LRRC4C: variants seen among roughly 807,000 people sequenced by gnomAD.
LRRC4C encodes leucine rich repeat containing 4C, also known as leucine-rich repeat-containing protein 4C.
A neutral mutation model predicts 33.6 loss-of-function variants in LRRC4C; 5 were observed. The ratio of observed to expected loss-of-function variants is 0.15; its 90% CI spans 0.08 to 0.31. The LOEUF (loss-of-function observed/expected upper bound fraction) is 0.31. LRRC4C is among the 10% of genes least tolerant of loss of function. The probability of loss-of-function intolerance (pLI) is 1.00; values close to 1 mark genes in which losing one functional copy is unlikely to be tolerated. For synonymous variants in LRRC4C, 329 were observed against 302.0 expected (o/e 1.09, Z -0.93); for missense variants, 560 against 796.7 (o/e 0.70, Z 3.58).
At chr11:40,264,789 G>C (rs891851275) in intron 4 of LRRC4C, among the ~76,000 whole-genome samples, 1 of 152,086 alleles carries the variant, frequency 6.6e-6, no homozygotes, top group African/African-American at 2.4e-5. Context: ...GAAGAATGGG[G>C]GCCCCTCCCA....
At chr11:40,245,252 C>A (rs1299894164) in intron 4 of LRRC4C, among the ~76,000 whole-genome samples, 3 of 152,276 alleles carry the variant, frequency 2.0e-5, no homozygotes, top group African/African-American at 4.8e-5. Context: ...AAGAATGTAA[C>A]TCTGTACATT....
intron 1 of LRRC4C, among the ~76,000 whole-genome samples, chr11:40,994,176 T>C (rs2137289014): frequency 6.6e-6 from 1 of 152,276 alleles, no homozygotes; most frequent in East Asian, 1.9e-4. Flanking sequence ...TATGAAATCT[T>C]ACCAATATCC....
intron 2 of LRRC4C, among the ~76,000 whole-genome samples, chr11:40,912,206 A>T (rs1213027992): frequency 6.6e-6 from 1 of 152,124 alleles, no homozygotes; most frequent in Non-Finnish European, 1.5e-5. Flanking sequence ...TGCCACAAAG[A>T]TACTCCTTGA....
At chr11:41,223,076 A>T (rs1947377664) in intron 1 of LRRC4C, 1 of 152,168 alleles carries the variant, frequency 6.6e-6, no homozygotes, top group Non-Finnish European at 1.5e-5. Flanking sequence ...GTGAACATTA[A>T]AAAACGCTAG....
At chr11:41,090,350 T>C (rs1410457105) in intron 1 of LRRC4C, among the ~76,000 whole-genome samples, 2 of 152,166 alleles carry the variant, frequency 1.3e-5, no homozygotes, top group Non-Finnish European at 2.9e-5. Context: ...GAATTATGTG[T>C]TCTAGTTTGT....
At chr11:41,103,214 T>G (rs1012319779) in intron 1 of LRRC4C, among the ~76,000 whole-genome samples, 5 of 151,952 alleles carry the variant, frequency 3.3e-5, no homozygotes, top group Non-Finnish European at 5.9e-5. Flanking sequence ...TTTCCTAATA[T>G]TGGTAATGAT....
chr11:40,408,257 A>G (rs2137609896), intron 3 of LRRC4C, among the ~76,000 whole-genome samples: 1 of 152,134 alleles, frequency 6.6e-6, no homozygotes, highest in Non-Finnish European at 1.5e-5. Flanking sequence ...TTTAATTAAC[A>G]TATAACAAAA....
At chr11:40,515,775 A>G (rs1225787250) in intron 3 of LRRC4C, among the ~76,000 whole-genome samples, 1 of 152,112 alleles carries the variant, frequency 6.6e-6, no homozygotes, top group Non-Finnish European at 1.5e-5. Context: ...TAAATATTTT[A>G]GCCATGTTTG....
chr11:41,269,916 A>C (rs1422183104), intron 1 of LRRC4C, among the ~76,000 whole-genome samples: 1 of 152,130 alleles, frequency 6.6e-6, no homozygotes, highest in East Asian at 1.9e-4. Context: ...GCTTTGATTC[A>C]AAAAGAACTG....
chr11:40,904,710 T>C (rs1211633781), intron 2 of LRRC4C, among the ~76,000 whole-genome samples: 1 of 152,104 alleles, frequency 6.6e-6, no homozygotes, highest in Non-Finnish European at 1.5e-5. Flanking sequence ...ATTCTCCTTT[T>C]CCTAAGGTCT....
At chr11:40,786,849 C>T (rs1950431981) in intron 2 of LRRC4C, among the ~76,000 whole-genome samples, 1 of 151,998 alleles carries the variant, frequency 6.6e-6, no homozygotes, top group African/African-American at 2.4e-5. Flanking sequence ...TCATTAACAT[C>T]TCCCCCACCC....
intron 6 of LRRC4C, among the ~76,000 whole-genome samples, chr11:40,129,880 G>A (rs887861412): frequency 1.4e-4 from 22 of 152,064 alleles, no homozygotes; most frequent in African/African-American, 4.8e-4. Flanking sequence ...TAAAAAATCC[G>A]ACCCAGGGAT....
intron 1 of LRRC4C, among the ~76,000 whole-genome samples, chr11:40,984,837 A>G (rs910904906): frequency 2.0e-5 from 3 of 149,844 alleles, no homozygotes; most frequent in Non-Finnish European, 4.4e-5. Context: ...GTATAAAAAA[A>G]ACTTCTGACT....
At chr11:41,205,748 G>C (rs988331211) in intron 1 of LRRC4C, among the ~76,000 whole-genome samples, 3 of 151,912 alleles carry the variant, frequency 2.0e-5, no homozygotes, top group Non-Finnish European at 2.9e-5. Context: ...GTACTCCAAG[G>C]GTTTCCAGTA....
intron 1 of LRRC4C, among the ~76,000 whole-genome samples, chr11:41,276,562 G>A (rs1047124157): frequency 6.6e-6 from 1 of 152,072 alleles, no homozygotes; most frequent in Non-Finnish European, 1.5e-5. Flanking sequence ...GATAGCTTTT[G>A]AAATCATTCT....
At chr11:41,010,343 T>G (rs986267981) in intron 1 of LRRC4C, among the ~76,000 whole-genome samples, 1 of 152,314 alleles carries the variant, frequency 6.6e-6, no homozygotes, top group South Asian at 2.1e-4. Flanking sequence ...AAATGAATTT[T>G]ATGATGTCAT....
intron 1 of LRRC4C, among the ~76,000 whole-genome samples, chr11:41,347,280 T>C (rs1951833706): frequency 6.6e-6 from 1 of 152,220 alleles, no homozygotes; most frequent in Admixed American, 6.5e-5. Context: ...TCTGCCTTAA[T>C]ACCCTGCCTC....
intron 2 of LRRC4C, among the ~76,000 whole-genome samples, chr11:40,742,191 G>A (rs150942693): frequency 5.9e-5 from 9 of 151,856 alleles, no homozygotes; most frequent in African/African-American, 1.9e-4. Context: ...TATACTGAAT[G>A]GTTTTCAAAG....
chr11:41,216,040 T>C (rs1205144608), intron 1 of LRRC4C, among the ~76,000 whole-genome samples: 6 of 152,206 alleles, frequency 3.9e-5, no homozygotes. Flanking sequence ...TTTCTTACAT[T>C]ACCTAATTTT....
Sources: gnomAD v4.1 joint callset for allele counts (sites outside exome capture counted in the v4.1 genomes callset) on GRCh38, gnomAD v4.1.1 for gene constraint, MANE v1.5 for transcripts, NCBI Gene and HGNC (gene_info 2026-07-23, HGNC 2026-07-21) for gene names.